CDKL4: variants seen among roughly 807,000 people sequenced by gnomAD.
The protein encoded by CDKL4 is cyclin-dependent kinase-like 4.
Under a neutral mutation model 42.0 loss-of-function variants are expected in CDKL4, and 44 were observed. The ratio of observed to expected loss-of-function variants is 1.05; its 90% CI spans 0.82 to 1.35. The LOEUF is 1.35. CDKL4 is among the 40% of genes most tolerant of loss of function. CDKL4 has a pLI of 0.00. For synonymous variants in CDKL4, 120 were observed against 121.6 expected (o/e 0.99, Z 0.09); for missense variants, 393 against 369.9 (o/e 1.06, Z -0.51).
chr2:39,194,206 C>T lies in CDKL4; in HGVS notation c.455-3704G>A, dbSNP rs532444259. 8.5e-5 allele frequency among the ~76,000 whole-genome samples: 13 copies of T among 152,218 alleles called. No individual in the cohort carries two copies. In the South Asian group the frequency reaches 2.7e-3, roughly 32 times the overall value. ...GGCACGGTGGCTCACACTTGTAATC[C>T]AGCACTTTGGGAGGCCGAGGTGGAA... On this transcript the variant is annotated intron_variant, in intron 5 of 9. Transcript: ENST00000451199.
intron 3 of CDKL4, among the ~76,000 whole-genome samples, chr2:39,225,547 G>GTTTC (rs1166288832): frequency 2.0e-5 from 3 of 151,872 alleles, no homozygotes; most frequent in Non-Finnish European, 2.9e-5. Context: ...ATATGAATAG[G>GTTTC]TTTCCTAGTA....
intron 1 of CDKL4, among the ~76,000 whole-genome samples, chr2:39,242,824 G>A (rs1302447014): frequency 3.9e-5 from 6 of 152,086 alleles, no homozygotes; most frequent in African/African-American, 9.7e-5. Context: ...ATGGCCGGGC[G>A]TGGTGGCTCA....
chr2:39,237,444 G>A (rs571371441), intron 1 of CDKL4, among the ~76,000 whole-genome samples: 6 of 152,250 alleles, frequency 3.9e-5, no homozygotes, highest in African/African-American at 1.2e-4. Flanking sequence ...GATTGAATGT[G>A]TTACCCCTAA....
chr2:39,228,353 A>G (rs1404440519), intron 2 of CDKL4, among the ~76,000 whole-genome samples: 1 of 152,180 alleles, frequency 6.6e-6, no homozygotes, highest in Non-Finnish European at 1.5e-5. Context: ...GTATCAAGTT[A>G]TATTTCAAAC....
chr2:39,192,651 T>C (rs1278464677), intron 5 of CDKL4, among the ~76,000 whole-genome samples: 1 of 152,164 alleles, frequency 6.6e-6, no homozygotes, highest in Non-Finnish European at 1.5e-5. Context: ...CATTGAATTC[T>C]ATGCATTTAT....
chr2:39,231,337 G>C (rs1679083905), intron 1 of CDKL4, among the ~76,000 whole-genome samples: 2 of 152,050 alleles, frequency 1.3e-5, no homozygotes, highest in South Asian at 4.1e-4. Flanking sequence ...AATTTCTCTT[G>C]TTTCAAATGA....
intron 4 of CDKL4, among the ~76,000 whole-genome samples, chr2:39,211,487 C>T (rs932856535): frequency 6.6e-6 from 1 of 152,032 alleles, no homozygotes; most frequent in African/African-American, 2.4e-5. Flanking sequence ...CCAATGACAG[C>T]AAAGAATTGA....
At chr2:39,184,459 C>G (rs1238001148) in intron 8 of CDKL4, 132 bp downstream of exon 8, 1 of 601,284 alleles carries the variant, frequency 1.7e-6, no homozygotes, top group Non-Finnish European at 2.9e-6. Flanking sequence ...AATTGTTTTA[C>G]AGTTCTTTAT....
intron 1 of CDKL4, among the ~76,000 whole-genome samples, chr2:39,237,404 C>A (rs1326725467): frequency 6.6e-6 from 1 of 152,158 alleles, no homozygotes; most frequent in East Asian, 1.9e-4. Flanking sequence ...TGTGAAAAAT[C>A]TACAGTTAAC....
At chr2:39,171,372 C>T (rs558961430), downstream of CDKL4, among the ~76,000 whole-genome samples, 1 of 152,186 alleles carries the variant, frequency 6.6e-6, no homozygotes, top group South Asian at 2.1e-4. Flanking sequence ...CTTCATCCCC[C>T]AAGAACTTAG....
exon 2 of CDKL4, chr2:39,229,485 C>T (rs760948791): frequency 8.1e-6 from 13 of 1,611,192 alleles, no homozygotes; most frequent in African/African-American, 1.3e-5. Flanking sequence ...TGAATACAAC[C>T]CCATAAGACC....
At chr2:39,171,869 A>G (rs775157159), downstream of CDKL4, among the ~76,000 whole-genome samples, 4 of 152,248 alleles carry the variant, frequency 2.6e-5, no homozygotes, top group Non-Finnish European at 5.9e-5. Flanking sequence ...AAGGAACTAC[A>G]TAAACAAAAG....
At chr2:39,212,105 G>A (rs1446994666) in intron 4 of CDKL4, among the ~76,000 whole-genome samples, 1 of 152,078 alleles carries the variant, frequency 6.6e-6, no homozygotes, top group African/African-American at 2.4e-5. Context: ...ACATTCTTGG[G>A]GCCCTACCCA....
At chr2:39,232,861 C>T (rs529895532) in intron 1 of CDKL4, among the ~76,000 whole-genome samples, 5 of 151,562 alleles carry the variant, frequency 3.3e-5, no homozygotes, top group African/African-American at 7.3e-5. Context: ...CTGGCTAACA[C>T]GATGAAATCC....
At chr2:39,237,692 A>G (rs1251003807) in intron 1 of CDKL4, among the ~76,000 whole-genome samples, 9 of 152,216 alleles carry the variant, frequency 5.9e-5, no homozygotes, top group African/African-American at 2.2e-4. Context: ...CCCCATCTCT[A>G]TAAAATAAAT....
the CDKL4 span, among the ~76,000 whole-genome samples, chr2:39,168,651 C>T: frequency 6.7e-6 from 1 of 150,362 alleles, no homozygotes; most frequent in African/African-American, 2.4e-5. Context: ...AGGAGAATCA[C>T]TTGAACCCAG....
At chr2:39,179,689 G>C (rs1431439356) in intron 8 of CDKL4, among the ~76,000 whole-genome samples, 2 of 152,184 alleles carry the variant, frequency 1.3e-5, no homozygotes, top group African/African-American at 2.4e-5. Context: ...GCGAAGTCTT[G>C]GGTCCTATAC....
chr2:39,239,380 T>C (rs934293337), intron 1 of CDKL4, among the ~76,000 whole-genome samples: 1 of 152,172 alleles, frequency 6.6e-6, no homozygotes, highest in African/African-American at 2.4e-5. Flanking sequence ...TTAAAATCTT[T>C]TGCTCCTCAA....
chr2:39,218,910 G>A (rs72921023), intron 3 of CDKL4, among the ~76,000 whole-genome samples: 21,164 of 152,054 alleles, frequency 0.14, 3,848 homozygotes, highest in African/African-American at 0.42. Context: ...CCTGTTATCA[G>A]TACCTCTATG....
Sources: allele counts gnomAD v4.1 joint callset (sites outside exome capture counted in the v4.1 genomes callset), GRCh38; gene constraint gnomAD v4.1.1; transcripts MANE v1.5; gene names NCBI Gene and HGNC (gene_info 2026-07-23, HGNC 2026-07-21).